Variants in SDK2 observed in about 807,000 individuals in gnomAD.
The protein encoded by SDK2 is sidekick cell adhesion molecule 2.
In SDK2, 105 loss-of-function variants were observed where a neutral mutation model predicts 253.9. The observed-to-expected ratio is 0.41, with a 90% CI of 0.35 to 0.49. SDK2 has a LOEUF of 0.49. Among genes scored for constraint, SDK2 ranks in the 20% least tolerant of loss-of-function variants. SDK2 has a pLI of 0.06. For missense variants in SDK2, 2,608 were observed against 3,003.0 expected, an observed-to-expected ratio of 0.87 and a Z score of 3.07; for synonymous variants, 1,249 against 1,234.9, an observed-to-expected ratio of 1.01 and a Z score of -0.24.
chr17:73,365,260 T>C lies in SDK2; in HGVS notation c.5303A>G (p.Asp1768Gly). 6.2e-7 allele frequency: 1 copy of C among 1,602,530 alleles called. No homozygotes were observed. Among genetic ancestry groups the C allele is most frequent in the Non-Finnish European group, 8.5e-7 (1 of 1,175,020 alleles). The change falls in exon 38 of 45, where the codon GAT (aspartate) becomes GGT (glycine). Residue 1768 changes from aspartate (D) to glycine (G), a missense_variant and splice_region_variant. Asp to Gly is a moderately conservative substitution (Grantham distance 94, BLOSUM62 -1). This residue lies in a region of SDK2 where 1,103 missense variants were observed against 1,143.9 expected (regional missense o/e 0.96). Coordinates refer to ENST00000392650, the MANE Select transcript of SDK2 (RefSeq NM_001144952.2). ...GCTGTGCTGGGGGGTCCACTCACCA[T>C]CCACGGGGCTGCAGGGCTCGTACAC... ...RLVYEPCSPV[D>G]GVSKIVTVDV...
rs1306903156 is a variant in SDK2, at chr17:73,481,914, G to A, written c.225-9696C>T. 6.6e-6 allele frequency among the ~76,000 whole-genome samples: 1 copy of A among 152,140 alleles called. No homozygotes were observed. The highest frequency in any genetic ancestry group is 1.5e-5 in the Non-Finnish European group (1 of 68,034). ...TGGGCCAAGTCCCATAACGAACCTC[G>A]TGCATCTGTCTCTCTCCCATTGCTT... On this transcript the variant is annotated intron_variant, in intron 2 of 44. Transcript: ENST00000392650. This position sits in a 1 kb window ranked among gnomAD's most constrained non-coding sequence, Gnocchi z 4.5.
intron 1 of SDK2, among the ~76,000 whole-genome samples, chr17:73,536,429 G>A (rs576981536): frequency 1.3e-5 from 2 of 152,076 alleles, no homozygotes; most frequent in Admixed American, 6.5e-5. Context: ...GCCTCCTTCC[G>A]AGGCTTCCGC....
At position 73,609,974 on chromosome 17, in the gene SDK2, G is replaced by A. The variant is rs1051604272; in HGVS notation, c.64+34051C>T. Among the ~76,000 whole-genome samples, 9 of 152,340 alleles carry A rather than the reference G, an allele frequency of 5.9e-5. No homozygotes were observed. The South Asian group carries it at 1.7e-3, about 28-fold the overall frequency. ...GCGGAGCTCAGCCAGGCAGCTGCAC[G>A]GGAAACAGGTGTCCTGCTGAACAAG... On this transcript the variant is annotated intron_variant, in intron 1 of 44. Transcript: ENST00000392650. This position sits in a 1 kb window ranked among gnomAD's most constrained non-coding sequence, Gnocchi z 4.4.
chr17:73,412,061 TATATATAC>T lies in SDK2; in HGVS notation c.2484+2575_2484+2582del, dbSNP rs748943952. Among the ~76,000 whole-genome samples, 435 of 42,676 alleles carry T rather than the reference TATATATAC, an allele frequency of 0.01. 56 individuals are homozygous for T. The East Asian group carries it at 0.16, about 16-fold the overall frequency. 28.0% of individuals were successfully genotyped at this position (42,676 alleles called of 152,430 possible). ...GTATATATATGTATATACGTATATG[TATATATAC>T]GTATATATGTATATGTATATATACG... On this transcript the variant is annotated intron_variant, in intron 18 of 44. Coordinates refer to ENST00000392650, the MANE Select transcript of SDK2 (RefSeq NM_001144952.2).
chr17:73,413,782 A>G (rs2063157990), intron 18 of SDK2, among the ~76,000 whole-genome samples: 1 of 152,220 alleles, frequency 6.6e-6, no homozygotes, highest in Non-Finnish European at 1.5e-5. Context: ...TAGCTGCTCA[A>G]TAAATATTGA....
chr17:73,415,856 G>A lies in SDK2; in HGVS notation c.2323C>T (p.Leu775=). The part of the protein sequence containing the change: ...IEVAAYNSAG[L]GVYSSKVTEW... ...GTGACTTTACTGCTGTAGACCCCCA[G>A]CCCAGCGCTGTTGTAAGCAGCCACC... The change falls in exon 17 of 45, where the codon CTG becomes TTG. Residue 775 remains leucine (L), a synonymous_variant. Transcript: ENST00000392650. 1 of 1,562,844 alleles carries A rather than the reference G, an allele frequency of 6.4e-7. No individual in the cohort carries two copies. Among genetic ancestry groups the A allele is most frequent in the Non-Finnish European group, 8.7e-7 (1 of 1,153,442 alleles).
At chr17:73,407,732 C>T (rs1021653) in intron 18 of SDK2, among the ~76,000 whole-genome samples, 144,825 of 152,278 alleles carry the variant, frequency 0.95, 69,017 homozygotes, top group Non-Finnish European at 0.99. Context: ...ACACCATGCC[C>T]GGCCAGAACC....
Position 73,431,389 on chromosome 17 carries a change from G to A in SDK2, c.1480+113C>T. The A allele has an allele frequency of 9.7e-7, 1 of 1,031,064 alleles. No homozygotes were observed. The highest frequency in any genetic ancestry group is 1.8e-5 in the South Asian group (1 of 54,496). The allele number at this position is 1,031,064 out of a possible 1,614,324, so 63.9% of individuals were successfully genotyped here. On this transcript the variant is annotated intron_variant, in intron 11 of 44. Transcript: ENST00000392650. This position sits in a 1 kb window ranked among gnomAD's most constrained non-coding sequence, Gnocchi z 5.6. ...CTGACTGGGACAGACACTGGGGATG[G>A]AGACACTGGTGGTATGAGCCTGTGC...
chr17:73,412,842 T>C (rs11077680), intron 18 of SDK2, among the ~76,000 whole-genome samples: 150,291 of 152,228 alleles, frequency 0.99, 74,217 homozygotes, highest in East Asian at 1. Context: ...TGCTTGAACA[T>C]GGGAGGTGGA....
In SDK2 at chr17:73,382,480, T is replaced by C. The variant is rs554174284; in HGVS notation, c.4705+1396A>G. Among the ~76,000 whole-genome samples the C allele has an allele frequency of 2.0e-5, 3 of 152,250 alleles. 1 individual carries two copies. The South Asian group carries it at 6.2e-4, about 32-fold the overall frequency. ...ACTTCAGACCCAAACAAGCCAAAGGTGTAGATGAACATCAGTTTTGAGCCA... is the reference window on the plus strand; with the variant it reads ...ACTTCAGACCCAAACAAGCCAAAGGCGTAGATGAACATCAGTTTTGAGCCA... On this transcript the variant is annotated intron_variant, in intron 33 of 44. Coordinates refer to ENST00000392650, the MANE Select transcript of SDK2 (RefSeq NM_001144952.2).
chr17:73,411,145 G>A (rs890877156), intron 18 of SDK2, among the ~76,000 whole-genome samples: 13 of 152,078 alleles, frequency 8.5e-5, no homozygotes, highest in African/African-American at 3.1e-4. Flanking sequence ...TCCCTGCCCT[G>A]CAAAGCTCTG....
In SDK2 at chr17:73,440,885, T is replaced by C; in HGVS notation, c.652A>G (p.Ile218Val). The C allele has an allele frequency of 6.4e-7, 1 of 1,551,680 alleles. No individual in the cohort carries two copies. The highest frequency in any genetic ancestry group is 8.7e-7 in the Non-Finnish European group (1 of 1,146,976). Residue 218 changes from isoleucine (I) to valine (V), a missense_variant, in exon 6 of 45, where the codon ATC becomes GTC. Physicochemically the swap from Ile to Val is conservative, Grantham distance 29. This residue lies in a region of SDK2 where 1,505 missense variants were observed against 1,859.1 expected (regional missense o/e 0.81). Coordinates refer to ENST00000392650, the MANE Select transcript of SDK2 (RefSeq NM_001144952.2). ...GPADPIAPTI[I>V]IPPKNTSVVA... Reference sequence around the variant, plus strand: ...ACGCTGGTGTTTTTAGGTGGGATGATGATGGTGGGTGCGATGGGGTCTGCA... The same window carrying C: ...ACGCTGGTGTTTTTAGGTGGGATGACGATGGTGGGTGCGATGGGGTCTGCA...
intron 1 of SDK2, among the ~76,000 whole-genome samples, chr17:73,600,536 C>T (rs961340951): frequency 6.6e-6 from 1 of 152,112 alleles, no homozygotes; most frequent in Non-Finnish European, 1.5e-5. Flanking sequence ...CAGAGCCTCA[C>T]CTGCTCTGGT....
chr17:73,456,870 G>A (rs1264326209), intron 3 of SDK2, among the ~76,000 whole-genome samples: 2 of 152,206 alleles, frequency 1.3e-5, no homozygotes, highest in African/African-American at 2.4e-5. Flanking sequence ...TAGGGTTTGG[G>A]AAGGGGTATT....
At chr17:73,397,468 C>G (rs2062980774) in intron 24 of SDK2, among the ~76,000 whole-genome samples, 1 of 152,204 alleles carries the variant, frequency 6.6e-6, no homozygotes. Flanking sequence ...CTCTCTTCTG[C>G]CCCGGTTTCC....
At chr17:73,388,540 C>CG (rs2062893847) in intron 29 of SDK2, among the ~76,000 whole-genome samples, 1 of 152,106 alleles carries the variant, frequency 6.6e-6, no homozygotes, top group Non-Finnish European at 1.5e-5. Context: ...GACTCTGTGG[C>CG]GGGGGCATCC....
intron 3 of SDK2, among the ~76,000 whole-genome samples, chr17:73,459,001 A>C (rs183358144): frequency 2.2e-4 from 33 of 152,246 alleles, no homozygotes; most frequent in African/African-American, 7.9e-4. Flanking sequence ...GGGAAACTCC[A>C]TCTCACAGAA....
chr17:73,432,740 C>T (rs754958164), intron 10 of SDK2, among the ~76,000 whole-genome samples: 1 of 149,708 alleles, frequency 6.7e-6, no homozygotes. Context: ...TGGGGCTTGC[C>T]GGTGTGAAGG....
chr17:73,366,064 C>A (rs2062682240), intron 37 of SDK2, among the ~76,000 whole-genome samples: 1 of 152,186 alleles, frequency 6.6e-6, no homozygotes. Flanking sequence ...TCTGCGGCAT[C>A]CCCAGCTGGC....
Sources: gnomAD v4.1 joint callset for allele counts (sites outside exome capture counted in the v4.1 genomes callset) on GRCh38, gnomAD v4.1.1 for gene constraint, gnomAD v4.1.1 regional missense constraint, Gnocchi (gnomAD v3.1) non-coding constraint, MANE v1.5 for transcripts, NCBI Gene and HGNC (gene_info 2026-07-23, HGNC 2026-07-21) for gene names.